Variants in SPAG16 observed in about 807,000 individuals in gnomAD.
The protein encoded by SPAG16 is sperm-associated antigen 16 protein.
Under a neutral mutation model 80.4 loss-of-function variants are expected in SPAG16, and 86 were observed. The observed-to-expected ratio is 1.07, with a 90% CI of 0.90 to 1.28. The LOEUF (loss-of-function observed/expected upper bound fraction) is 1.28, where lower values mean the gene tolerates loss of function less well. Ranked by LOEUF, SPAG16 falls within the 50% of genes most tolerant of loss-of-function variation. SPAG16 has a pLI of 0.00. For synonymous variants in SPAG16, 294 were observed against 265.9 expected, an observed-to-expected ratio of 1.11 and a Z score of -1.03; for missense variants, 870 against 765.3, an observed-to-expected ratio of 1.14 and a Z score of -1.61.
chr2:214,081,556 C>T (rs1030416685), intron 13 of SPAG16, among the ~76,000 whole-genome samples: 3 of 152,162 alleles, frequency 2.0e-5, no homozygotes, highest in Non-Finnish European at 2.9e-5. Context: ...AGCCAACAAC[C>T]GTCAAGGACT....
chr2:214,354,192 G>A (rs1209559677), intron 15 of SPAG16, among the ~76,000 whole-genome samples: 2 of 152,058 alleles, frequency 1.3e-5, no homozygotes, highest in African/African-American at 4.8e-5. Flanking sequence ...GTAAGGAAGG[G>A]ATCCAGTTTC....
intron 12 of SPAG16, among the ~76,000 whole-genome samples, chr2:213,974,981 AAG>A (rs1274922286): frequency 6.6e-6 from 1 of 151,206 alleles, no homozygotes; most frequent in Non-Finnish European, 1.5e-5. Flanking sequence ...AATGTGTAAA[AAG>A]AGACATTAAG....
chr2:213,340,212 C>A lies in SPAG16; in HGVS notation c.586C>A (p.Arg196=). The change falls in exon 6 of 16, where the codon CGA becomes AGA. Residue 196 remains arginine, a synonymous_variant. Transcript: ENST00000331683. The part of the protein sequence containing the change: ...LKIQKERDFH[R]MHHKRIVQEK... ...AATTCAGAAAGAACGTGATTTTCAT[C>A]GAATGCATCATAAGCGAATAGTCCA... 6.2e-7 allele frequency: 1 copy of A among 1,611,704 alleles called. No homozygotes were observed. The highest frequency in any genetic ancestry group is 8.5e-7 in the Non-Finnish European group (1 of 1,179,056).
chr2:213,855,073 T>C (rs1307408348), intron 10 of SPAG16, among the ~76,000 whole-genome samples: 1 of 152,248 alleles, frequency 6.6e-6, no homozygotes, highest in Non-Finnish European at 1.5e-5. Flanking sequence ...TGAGTGTTTC[T>C]TTAGCAATTA....
At chr2:213,538,271 C>T (rs2076316655) in intron 10 of SPAG16, among the ~76,000 whole-genome samples, 1 of 152,070 alleles carries the variant, frequency 6.6e-6, no homozygotes, top group Non-Finnish European at 1.5e-5. Context: ...TCAGTTTTCC[C>T]TATTTTAAAT....
At chr2:213,721,987 C>T (rs998480847) in intron 10 of SPAG16, among the ~76,000 whole-genome samples, 20 of 152,068 alleles carry the variant, frequency 1.3e-4, no homozygotes, top group Non-Finnish European at 2.5e-4. Flanking sequence ...CTGTTTATAA[C>T]GGGTAAGATT....
chr2:213,870,553 C>T (rs557614143), intron 11 of SPAG16, among the ~76,000 whole-genome samples: 1 of 152,266 alleles, frequency 6.6e-6, no homozygotes, highest in African/African-American at 2.4e-5. Flanking sequence ...AGAGTATTTG[C>T]TCTGTTATTT....
chr2:213,441,043 A>G (rs1030252283), intron 9 of SPAG16, among the ~76,000 whole-genome samples: 1 of 152,232 alleles, frequency 6.6e-6, no homozygotes, highest in Non-Finnish European at 1.5e-5. Context: ...AGGTGGATGA[A>G]TAAATTGGCA....
intron 10 of SPAG16, among the ~76,000 whole-genome samples, chr2:213,767,530 C>T (rs1223829127): frequency 1.3e-5 from 2 of 151,708 alleles, no homozygotes; most frequent in Non-Finnish European, 2.9e-5. Flanking sequence ...ATTAGCCAGG[C>T]GGTTGAGAGG....
intron 15 of SPAG16, among the ~76,000 whole-genome samples, chr2:214,381,701 T>C (rs2126109063): frequency 6.6e-6 from 1 of 152,350 alleles, no homozygotes; most frequent in East Asian, 1.9e-4. Context: ...GAGACATTGG[T>C]GACTACAGTT....
intron 10 of SPAG16, among the ~76,000 whole-genome samples, chr2:213,563,816 G>A (rs550616991): frequency 1.4e-4 from 22 of 152,240 alleles, no homozygotes; most frequent in African/African-American, 4.3e-4. Context: ...ATTTATTAAC[G>A]AAGGACTAAA....
intron 13 of SPAG16, among the ~76,000 whole-genome samples, chr2:214,034,721 C>G (rs2048596044): frequency 6.6e-6 from 1 of 152,218 alleles, no homozygotes; most frequent in Non-Finnish European, 1.5e-5. Context: ...GCTGCAGCAC[C>G]TGGAAGCTTT....
intron 15 of SPAG16, among the ~76,000 whole-genome samples, chr2:214,229,851 A>G (rs1036483399): frequency 1.3e-5 from 2 of 151,928 alleles, no homozygotes; most frequent in African/African-American, 4.8e-5. Context: ...TGCAGTTTGT[A>G]TAGCATTATG....
intron 8 of SPAG16, among the ~76,000 whole-genome samples, chr2:213,366,950 A>G (rs1328907604): frequency 1.3e-5 from 2 of 151,738 alleles, no homozygotes; most frequent in Non-Finnish European, 2.9e-5. Flanking sequence ...CCCCTACCCC[A>G]TGACAGGCCC....
At chr2:213,653,842 A>G (rs2063114973) in intron 10 of SPAG16, among the ~76,000 whole-genome samples, 1 of 152,160 alleles carries the variant, frequency 6.6e-6, no homozygotes, top group Non-Finnish European at 1.5e-5. Flanking sequence ...TATTCTATAT[A>G]TAAAACATAC....
chr2:213,929,911 A>AATT (rs768897477), intron 11 of SPAG16, 49 bp from the exon 12 acceptor site: 57 of 1,548,828 alleles, frequency 3.7e-5, no homozygotes, highest in Non-Finnish European at 4.8e-5. Flanking sequence ...TATTCATAAA[A>AATT]ATTATGTTAC....
intron 15 of SPAG16, among the ~76,000 whole-genome samples, chr2:214,339,500 A>C (rs1697518391): frequency 6.6e-6 from 1 of 152,188 alleles, no homozygotes; most frequent in Non-Finnish European, 1.5e-5. Context: ...TCTTTTTAAG[A>C]CAGCCAAACC....
At chr2:213,466,470 G>A (rs2072702789) in intron 9 of SPAG16, among the ~76,000 whole-genome samples, 2 of 152,192 alleles carry the variant, frequency 1.3e-5, no homozygotes, top group Admixed American at 6.5e-5. Flanking sequence ...TAAGGGATGA[G>A]CTATCTCACT....
chr2:213,897,451 T>C (rs2077039475), intron 11 of SPAG16, among the ~76,000 whole-genome samples: 1 of 152,228 alleles, frequency 6.6e-6, no homozygotes, highest in African/African-American at 2.4e-5. Flanking sequence ...TTCATTACTT[T>C]CTTGACACTT....
Sources: allele counts gnomAD v4.1 joint callset (sites outside exome capture counted in the v4.1 genomes callset), GRCh38; gene constraint gnomAD v4.1.1; transcripts MANE v1.5; gene names NCBI Gene and HGNC (gene_info 2026-07-23, HGNC 2026-07-21).